Variants in DAB1 observed in about 807,000 individuals in gnomAD.
DAB1 encodes the protein disabled homolog 1.
Under a neutral mutation model 64.6 loss-of-function variants are expected in DAB1, and 15 were observed. The observed-to-expected ratio is 0.23, with a 90% CI of 0.16 to 0.36. The LOEUF is 0.36. Ranked by LOEUF, DAB1 falls within the 10% of genes least tolerant of loss-of-function variation. The pLI, the probability that DAB1 is intolerant of heterozygous loss-of-function variation, is 1.00. For synonymous variants in DAB1, 235 were observed against 251.9 expected (o/e 0.93, Z 0.64); for missense variants, 596 against 706.7 (o/e 0.84, Z 1.78).
chr1:57,934,824 A>G (rs1345307723), intron 5 of DAB1, among the ~76,000 whole-genome samples: 1 of 152,184 alleles, frequency 6.6e-6, no homozygotes, highest in African/African-American at 2.4e-5. Context: ...CATTTGCCTC[A>G]AATTTTCAAG....
rs562759579 is a variant in DAB1 at position 57,470,893 on chromosome 1, G to A, written n.625+178699C>T. Among the ~76,000 whole-genome samples, 82 of 152,128 alleles carry A rather than the reference G, an allele frequency of 5.4e-4. 1 individual carries two copies. Among genetic ancestry groups the A allele is most frequent in the South Asian group, 2.1e-3 (10 of 4,820 alleles). On this transcript the variant is annotated intron_variant and non_coding_transcript_variant, in intron 7 of 20. Transcript: ENST00000485760. ...AGGCAAATTGTAGCTCACAGGAAAT[G>A]GAATTGAATACAGATTTCAGTTCTC...
At chr1:57,685,633 G>A (rs570035059) in intron 6 of DAB1, among the ~76,000 whole-genome samples, 1 of 152,110 alleles carries the variant, frequency 6.6e-6, no homozygotes, top group African/African-American at 2.4e-5. Context: ...CACAAAACAT[G>A]TTCTAAGATT....
At chr1:58,112,193 A>G (rs1376550739) in intron 5 of DAB1, among the ~76,000 whole-genome samples, 1 of 152,162 alleles carries the variant, frequency 6.6e-6, no homozygotes, top group Non-Finnish European at 1.5e-5. Context: ...AGCCCCTCCA[A>G]TCCCCACTCA....
intron 1 of DAB1, among the ~76,000 whole-genome samples, chr1:58,543,803 C>T (rs1646659025): frequency 6.6e-6 from 1 of 152,100 alleles, no homozygotes; most frequent in Non-Finnish European, 1.5e-5. Flanking sequence ...AGGTGGCAAA[C>T]TCAAACGTCT....
intron 1 of DAB1, among the ~76,000 whole-genome samples, chr1:57,321,269 C>T (rs1675692195): frequency 6.6e-6 from 1 of 152,182 alleles, no homozygotes; most frequent in South Asian, 2.1e-4. Flanking sequence ...AACCCATCTT[C>T]CAATATGCAC....
chr1:58,207,986 G>T (rs998494269), intron 4 of DAB1, among the ~76,000 whole-genome samples: 4 of 152,164 alleles, frequency 2.6e-5, no homozygotes, highest in African/African-American at 9.7e-5. Context: ...GGTGGAAGGG[G>T]AAGTGAACAT....
chr1:58,089,961 T>C (rs1369619858), intron 5 of DAB1, among the ~76,000 whole-genome samples: 1 of 152,210 alleles, frequency 6.6e-6, no homozygotes, highest in Non-Finnish European at 1.5e-5. Flanking sequence ...AACAATTACC[T>C]AGACTCAACA....
Position 58,152,894 on chromosome 1 carries a change from C to T in DAB1, n.310-2306G>A, listed in dbSNP as rs193152761. ...ATGTACAGGTGACGAAACAAGTGGC[C>T]GGTCCAAATCACACAGTTATTAAAT... is the stretch of plus-strand genomic sequence containing the variant. On this transcript the variant is annotated intron_variant and non_coding_transcript_variant, in intron 4 of 20. Coordinates refer to the DAB1 transcript ENST00000485760. Among the ~76,000 whole-genome samples, 189 of 152,240 alleles carry T rather than the reference C, an allele frequency of 1.2e-3. 1 individual carries two copies. Among genetic ancestry groups the T allele is most frequent in the African/African-American group, 4.5e-3 (187 of 41,532 alleles).
Position 57,213,408 on chromosome 1 carries a change from G to A in DAB1, c.68-67979C>T, listed in dbSNP as rs193236816. 2.0e-4 allele frequency among the ~76,000 whole-genome samples: 30 copies of A among 152,094 alleles called. No individual in the cohort carries two copies. In the East Asian group the frequency reaches 5.8e-3, roughly 29 times the overall value. On this transcript the variant is annotated intron_variant, in intron 2 of 14. Coordinates refer to ENST00000371236, the MANE Select transcript of DAB1 (RefSeq NM_001365792.1). ...TGCTCAACAGCCACATGTCACTCAC[G>A]GCCACCAAAATAGATAGTGTAGATC...
chr1:57,892,772 T>C (rs1644336301), intron 5 of DAB1, among the ~76,000 whole-genome samples: 1 of 152,220 alleles, frequency 6.6e-6, no homozygotes, highest in Non-Finnish European at 1.5e-5. Context: ...TGAGACCCTG[T>C]CTGGTGTCTG....
chr1:57,719,092 G>A (rs1647119746), intron 6 of DAB1, among the ~76,000 whole-genome samples: 1 of 152,188 alleles, frequency 6.6e-6, no homozygotes, highest in South Asian at 2.1e-4. Flanking sequence ...AAAAACATAT[G>A]TTGAGAAATT....
At chr1:57,609,106 G>T (rs2101598953) in intron 7 of DAB1, among the ~76,000 whole-genome samples, 1 of 152,218 alleles carries the variant, frequency 6.6e-6, no homozygotes, top group East Asian at 1.9e-4. Context: ...TTTGTTCTCA[G>T]CATGGCCCCA....
At chr1:58,016,849 T>C (rs1646747218) in intron 5 of DAB1, among the ~76,000 whole-genome samples, 1 of 152,182 alleles carries the variant, frequency 6.6e-6, no homozygotes, top group Admixed American at 6.5e-5. Flanking sequence ...AAGCTTAAGA[T>C]AGGATCCTTG....
chr1:57,190,007 T>C (rs1055245329), intron 2 of DAB1, among the ~76,000 whole-genome samples: 2 of 152,084 alleles, frequency 1.3e-5, no homozygotes, highest in Non-Finnish European at 1.5e-5. Context: ...TTCAAATCAA[T>C]GTTTGTCCCA....
chr1:58,274,814 C>T (rs999195788), intron 4 of DAB1, among the ~76,000 whole-genome samples: 4 of 152,230 alleles, frequency 2.6e-5, no homozygotes, highest in South Asian at 2.1e-4. Flanking sequence ...AAGGGAACTC[C>T]CTGACCCCTC....
rs754509196 is a variant in DAB1, at chr1:58,337,153, G to A, written n.309+6199C>T. Among the ~76,000 whole-genome samples, 6 of 151,706 alleles carry A rather than the reference G, an allele frequency of 4.0e-5. No homozygotes were observed. The East Asian group carries it at 7.7e-4, about 20-fold the overall frequency. ...AAAAATTAGCCAGGCGTGGCGATGC[G>A]GGCCTGTAATCCCAACTACTCAGGA... On this transcript the variant is annotated intron_variant and non_coding_transcript_variant, in intron 4 of 20. Transcript: ENST00000485760.
Position 57,229,474 on chromosome 1 carries a change from C to T in DAB1, c.67+61490G>A, listed in dbSNP as rs960801980. On this transcript the variant is annotated intron_variant, in intron 2 of 14. Transcript: ENST00000371236. Reference sequence around the variant, plus strand: ...CCTCCCAAAAGGCTGGGATTACAGACGTGAGCCACTGCGCCCGGCCTATAA... The same window carrying T: ...CCTCCCAAAAGGCTGGGATTACAGATGTGAGCCACTGCGCCCGGCCTATAA... Among the ~76,000 whole-genome samples, 4 of 151,614 alleles carry T rather than the reference C, an allele frequency of 2.6e-5. No homozygotes were observed. The South Asian group carries it at 6.2e-4, about 24-fold the overall frequency.
intron 2 of DAB1, among the ~76,000 whole-genome samples, chr1:57,199,065 A>C (rs2100260220): frequency 6.6e-6 from 1 of 152,158 alleles, no homozygotes; most frequent in South Asian, 2.1e-4. Flanking sequence ...GAGAGACTAA[A>C]ATTTTTCCAA....
intron 5 of DAB1, among the ~76,000 whole-genome samples, chr1:58,038,007 A>G (rs1156273314): frequency 1.6e-4 from 24 of 152,190 alleles, no homozygotes; most frequent in Admixed American, 9.8e-4. Flanking sequence ...GCCATTATAA[A>G]TTTTGGAGTC....
Sources: allele counts gnomAD v4.1 joint callset (sites outside exome capture counted in the v4.1 genomes callset), GRCh38; gene constraint gnomAD v4.1.1; transcripts MANE v1.5; gene names NCBI Gene and HGNC (gene_info 2026-07-23, HGNC 2026-07-21).